Variants in LGR4 observed in about 807,000 individuals in gnomAD.
LGR4 encodes the protein leucine-rich repeat-containing G protein-coupled receptor 4.
A neutral mutation model predicts 84.8 loss-of-function variants in LGR4; 44 were observed. The ratio of observed to expected loss-of-function variants is 0.52; its 90% CI spans 0.41 to 0.67. The LOEUF (loss-of-function observed/expected upper bound fraction) is 0.67, where lower values mean the gene tolerates loss of function less well. LGR4 is among the 30% of genes least tolerant of loss of function. The pLI, the probability that LGR4 is intolerant of heterozygous loss-of-function variation, is 0.00. For synonymous variants in LGR4, 429 were observed against 434.3 expected, an observed-to-expected ratio of 0.99 and a Z score of 0.15; for missense variants, 1,032 against 1,131.4, an observed-to-expected ratio of 0.91 and a Z score of 1.26.
rs779138883 is a variant in LGR4 at position 27,385,617 on chromosome 11, C to G, written c.402-149G>C. 9.2e-5 allele frequency: 52 copies of G among 567,964 alleles called. No homozygotes were observed. The Middle Eastern group carries it at 1.8e-3, about 20-fold the overall frequency. 35.2% of individuals were successfully genotyped at this position (567,964 alleles called of 1,614,324 possible). On this transcript the variant is annotated intron_variant, in intron 4 of 17. Coordinates refer to ENST00000379214, the MANE Select transcript of LGR4 (RefSeq NM_018490.5). ...TAGAAGTCCTCATAACATCTAATAA[C>G]TTTTTCATGATCTGTATAGTGTATG...
rs1590351449 is a variant in LGR4 at position 27,385,130 on chromosome 11, C to G, written c.617+123G>C. ...GTTTAATATTGTACAAAAGCAGCTC[C>G]CAAAGCACTAACTACTCAGGAGCAT... On this transcript the variant is annotated intron_variant, in intron 5 of 17. Transcript: ENST00000379214. 9 of 656,814 alleles carry G rather than the reference C, an allele frequency of 1.4e-5. No individual in the cohort carries two copies. In the East Asian group the frequency reaches 2.4e-4, roughly 18 times the overall value. 40.7% of individuals were successfully genotyped at this position (656,814 alleles called of 1,614,324 possible).
chr11:27,449,995 A>T (rs1446506648), intron 1 of LGR4, among the ~76,000 whole-genome samples: 1 of 152,230 alleles, frequency 6.6e-6, no homozygotes, highest in East Asian at 1.9e-4. Context: ...ATGGAAACTG[A>T]AAGGCAGAAC....
intron 1 of LGR4, among the ~76,000 whole-genome samples, chr11:27,445,945 GTTAA>G (rs1016520448): frequency 6.6e-6 from 1 of 151,986 alleles, no homozygotes; most frequent in African/African-American, 2.4e-5. Flanking sequence ...GGCTAAGCAA[GTTAA>G]TTAATAAAAT....
At chr11:27,378,968 A>G (rs1863039309) in intron 10 of LGR4, 200 bp from the exon 11 acceptor site, 1 of 561,900 alleles carries the variant, frequency 1.8e-6, no homozygotes. Context: ...AGTAACTCAA[A>G]AACACTTGTG....
intron 1 of LGR4, 46 bp from the exon 2 acceptor site, chr11:27,412,906 G>T: frequency 7.9e-7 from 1 of 1,266,466 alleles, no homozygotes; most frequent in Non-Finnish European, 1.2e-6. Flanking sequence ...GTGGTATGAA[G>T]CTTAAAGTAT....
intron 1 of LGR4, among the ~76,000 whole-genome samples, chr11:27,469,116 C>T (rs1165954008): frequency 6.6e-6 from 1 of 152,140 alleles, no homozygotes; most frequent in Non-Finnish European, 1.5e-5. Flanking sequence ...CATTGTGACA[C>T]AAGATTGAAT....
chr11:27,379,594 G>T (rs950494578), intron 10 of LGR4, among the ~76,000 whole-genome samples: 1 of 152,016 alleles, frequency 6.6e-6, no homozygotes, highest in Non-Finnish European at 1.5e-5. Flanking sequence ...TAAATGGCAC[G>T]CTGCAGTAAG....
intron 3 of LGR4, among the ~76,000 whole-genome samples, chr11:27,391,935 C>T (rs1863293811): frequency 6.6e-6 from 1 of 152,152 alleles, no homozygotes; most frequent in South Asian, 2.1e-4. Flanking sequence ...TGGGGGCAGT[C>T]AGTTCACCTG....
chr11:27,374,720 C>A (rs574087481), intron 13 of LGR4, among the ~76,000 whole-genome samples: 1 of 152,258 alleles, frequency 6.6e-6, no homozygotes, highest in Admixed American at 6.5e-5. Context: ...AAACTCAACA[C>A]ACTTGGTTCC....
At chr11:27,407,431 T>A (rs1863632192) in intron 2 of LGR4, among the ~76,000 whole-genome samples, 1 of 152,134 alleles carries the variant, frequency 6.6e-6, no homozygotes, top group Non-Finnish European at 1.5e-5. Flanking sequence ...ATGAGCACAG[T>A]TAGGTTTTCC....
intron 1 of LGR4, among the ~76,000 whole-genome samples, chr11:27,449,737 C>T (rs895570881): frequency 2.6e-5 from 4 of 152,152 alleles, no homozygotes; most frequent in African/African-American, 9.7e-5. Context: ...GGAGATACCA[C>T]TTCCAGAATT....
chr11:27,391,598 A>G (rs1041152156), intron 3 of LGR4, among the ~76,000 whole-genome samples: 4 of 152,192 alleles, frequency 2.6e-5, no homozygotes, highest in Non-Finnish European at 4.4e-5. Flanking sequence ...AAACATGGAC[A>G]TTAGGTAAAG....
At chr11:27,441,471 G>A (rs1303234081) in intron 1 of LGR4, among the ~76,000 whole-genome samples, 2 of 151,812 alleles carry the variant, frequency 1.3e-5, no homozygotes, top group East Asian at 1.9e-4. Flanking sequence ...ATAAAAAATC[G>A]CCTTTAATAA....
chr11:27,433,407 T>C (rs1864149935), intron 1 of LGR4, among the ~76,000 whole-genome samples: 1 of 151,328 alleles, frequency 6.6e-6, no homozygotes, highest in Non-Finnish European at 1.5e-5. Flanking sequence ...CTTTTTTTTT[T>C]TTTTTAGTAG....
intron 1 of LGR4, among the ~76,000 whole-genome samples, chr11:27,471,286 T>C (rs1864867496): frequency 6.6e-6 from 1 of 152,212 alleles, no homozygotes; most frequent in African/African-American, 2.4e-5. Context: ...AAAGAAAAGA[T>C]CTGCTGGCTG....
intron 2 of LGR4, among the ~76,000 whole-genome samples, chr11:27,392,914 G>A (rs936456666): frequency 6.6e-6 from 1 of 152,178 alleles, no homozygotes; most frequent in African/African-American, 2.4e-5. Flanking sequence ...AAACCAGTCT[G>A]TCAAGGAAGA....
chr11:27,386,970 C>T (rs1245049847), intron 4 of LGR4, among the ~76,000 whole-genome samples: 1 of 152,140 alleles, frequency 6.6e-6, no homozygotes, highest in East Asian at 1.9e-4. Flanking sequence ...GTACTGCCTA[C>T]AGAGCTGTTT....
intron 1 of LGR4, among the ~76,000 whole-genome samples, chr11:27,454,321 G>A (rs560416177): frequency 6.6e-6 from 1 of 152,304 alleles, no homozygotes; most frequent in East Asian, 1.9e-4. Flanking sequence ...CTTCAAGACT[G>A]TCTGTGGCTG....
At chr11:27,471,191 C>A (rs770561345) in intron 1 of LGR4, among the ~76,000 whole-genome samples, 1 of 152,234 alleles carries the variant, frequency 6.6e-6, no homozygotes, top group Admixed American at 6.5e-5. Flanking sequence ...CTCAAGGGAA[C>A]GTCTAAAGCT....
Sources: allele counts gnomAD v4.1 joint callset (sites outside exome capture counted in the v4.1 genomes callset), GRCh38; gene constraint gnomAD v4.1.1; transcripts MANE v1.5; gene names NCBI Gene and HGNC (gene_info 2026-07-23, HGNC 2026-07-21).